The following NANOS3 variants were observed in gnomAD, a reference collection of about 807,000 sequenced individuals.
NANOS3 encodes the protein nanos homolog 3.
A neutral mutation model predicts 13.8 loss-of-function variants in NANOS3; 11 were observed. The observed-to-expected ratio is 0.80, with a 90% CI of 0.50 to 1.32. NANOS3 has a LOEUF of 1.32. Among genes scored for constraint, NANOS3 ranks in the 40% most tolerant of loss-of-function variants. The pLI is 0.00. For missense variants in NANOS3, 221 were observed against 263.8 expected (o/e 0.84, Z 1.12); for synonymous variants, 119 against 115.4 (o/e 1.03, Z -0.20).
At chr19:13,875,301 C>T (rs1968488315), upstream of NANOS3, among the ~76,000 whole-genome samples, 1 of 151,840 alleles carries the variant, frequency 6.6e-6, no homozygotes, top group South Asian at 2.1e-4. Flanking sequence ...ATTCTCTGGC[C>T]TCAGCCTCCC....
upstream of NANOS3, among the ~76,000 whole-genome samples, chr19:13,862,469 G>A: frequency 6.6e-6 from 1 of 152,166 alleles, no homozygotes; most frequent in Non-Finnish European, 1.5e-5. Context: ...CAGGACAGCT[G>A]GCCGGTCCTG....
chr19:13,874,841 G>A, upstream of NANOS3: 2 of 526,508 alleles, frequency 3.8e-6, no homozygotes, highest in Non-Finnish European at 7.9e-6. Context: ...CAGATCTAGG[G>A]GGGCCTGGGG....
At chr19:13,872,606 C>T (rs1882283546), upstream of NANOS3, among the ~76,000 whole-genome samples, 1 of 152,198 alleles carries the variant, frequency 6.6e-6, no homozygotes, top group African/African-American at 2.4e-5. Flanking sequence ...CACCTGTGCT[C>T]CCAACTCACT....
At chr19:13,875,571 T>C (rs1968492898), upstream of NANOS3, among the ~76,000 whole-genome samples, 1 of 151,782 alleles carries the variant, frequency 6.6e-6, no homozygotes, top group African/African-American at 2.4e-5. Flanking sequence ...AGACAGGATC[T>C]CGCTCTTGTC....
intron 1 of NANOS3, 146 bp from the exon 2 acceptor site, chr19:13,880,294 CCA>C: frequency 1.5e-6 from 1 of 681,784 alleles, no homozygotes; most frequent in Admixed American, 2.6e-5. Flanking sequence ...CCCGGCGGAG[CCA>C]GAGACGTCAC....
chr19:13,874,812 G>GC (rs1337557360), upstream of NANOS3: 1 of 532,620 alleles, frequency 1.9e-6, no homozygotes, highest in Non-Finnish European at 3.9e-6. Context: ...CCATCCTCCT[G>GC]CCGGTGACTC....
At chr19:13,872,540 A>G (rs1416885347), upstream of NANOS3, among the ~76,000 whole-genome samples, 1 of 152,162 alleles carries the variant, frequency 6.6e-6, no homozygotes, top group Non-Finnish European at 1.5e-5. Flanking sequence ...CAAAATGGGT[A>G]TATCCTGCTC....
At chr19:13,871,269 G>T (rs1976323538) in intron 1 of NANOS3, among the ~76,000 whole-genome samples, 1 of 152,150 alleles carries the variant, frequency 6.6e-6, no homozygotes, top group Non-Finnish European at 1.5e-5. Flanking sequence ...ACAGTTTGAG[G>T]CAGGTGCACG....
upstream of NANOS3, among the ~76,000 whole-genome samples, chr19:13,864,038 G>T (rs551895296): frequency 1.3e-5 from 2 of 152,252 alleles, no homozygotes; most frequent in Admixed American, 1.3e-4. Flanking sequence ...AACAGAATGA[G>T]AAATCTGTCA....
chr19:13,878,689 A>T (rs1041399748), intron 1 of NANOS3, among the ~76,000 whole-genome samples: 4 of 145,674 alleles, frequency 2.7e-5, no homozygotes, highest in African/African-American at 5.2e-5. Flanking sequence ...ATCTTGGCTC[A>T]CTGCAACCTC....
upstream of NANOS3, among the ~76,000 whole-genome samples, chr19:13,874,318 C>G (rs1345793337): frequency 6.6e-6 from 1 of 152,228 alleles, no homozygotes; most frequent in East Asian, 1.9e-4. Flanking sequence ...CCCTCGGGGC[C>G]AGGATCCTCC....
At position 13,880,670 on chromosome 19, in the gene NANOS3, G is replaced by A. The variant is rs1338478637; in HGVS notation, c.*167G>A. Reference sequence around the variant, plus strand: ...AGAGCTGAAATCGCCCTGTCCTTGGGGACCCCACCCTTTGTGCCATCTGCC... The same window carrying A: ...AGAGCTGAAATCGCCCTGTCCTTGGAGACCCCACCCTTTGTGCCATCTGCC... On this transcript the variant is annotated 3_prime_UTR_variant, in exon 2 of 2. Coordinates refer to ENST00000339133, the MANE Select transcript of NANOS3 (RefSeq NM_001098622.3). 3 of 621,776 alleles carry A rather than the reference G, an allele frequency of 4.8e-6. No individual in the cohort carries two copies. In the African/African-American group the frequency reaches 5.5e-5, roughly 11 times the overall value. 38.5% of individuals were successfully genotyped at this position (621,776 alleles called of 1,614,324 possible).
At chr19:13,863,617 G>A (rs984373297), upstream of NANOS3, among the ~76,000 whole-genome samples, 1 of 152,078 alleles carries the variant, frequency 6.6e-6, no homozygotes, top group Non-Finnish European at 1.5e-5. Context: ...ACCCCATGGA[G>A]GTATGATTAC....
chr19:13,865,411 G>T (rs1294553975), upstream of NANOS3: 5 of 147,336 alleles, frequency 3.4e-5, no homozygotes, highest in African/African-American at 1.2e-4. Context: ...AAGAAGAGGG[G>T]GAAATGCGGC....
chr19:13,872,408 C>G (rs1770235767), upstream of NANOS3, among the ~76,000 whole-genome samples: 1 of 151,414 alleles, frequency 6.6e-6, no homozygotes, highest in South Asian at 2.1e-4. Context: ...CCAGGCTAGT[C>G]TCAACTTCTG....
At position 13,877,236 on chromosome 19, in the gene NANOS3, A is replaced by G. The variant is rs1472377856; in HGVS notation, c.-13A>G. On this transcript the variant is annotated 5_prime_UTR_variant, in exon 1 of 2. The change abolishes an upstream ATG in the 5' untranslated region. Coordinates refer to ENST00000339133, the MANE Select transcript of NANOS3 (RefSeq NM_001098622.3). The stretch of plus-strand genomic sequence containing the variant: ...CTCTGTGACTCCTTCCGCCTGGCAC[A>G]TGCTGCCCAGCTATGGGGACCTTTG... 1.3e-6 allele frequency: 2 copies of G among 1,596,320 alleles called. No individual in the cohort carries two copies. Among genetic ancestry groups the G allele is most frequent in the East Asian group, 2.2e-5 (1 of 44,504 alleles).
chr19:13,862,780 G>A (rs188728479), upstream of NANOS3, among the ~76,000 whole-genome samples: 2 of 152,152 alleles, frequency 1.3e-5, no homozygotes, highest in Non-Finnish European at 2.9e-5. Context: ...CTCGTGATCC[G>A]CCCGCCTCGG....
chr19:13,873,597 C>T (rs1968439682), upstream of NANOS3, among the ~76,000 whole-genome samples: 3 of 152,128 alleles, frequency 2.0e-5, no homozygotes, highest in African/African-American at 4.8e-5. Flanking sequence ...CCATCTCAGC[C>T]TCCTAAGTAG....
chr19:13,870,914 C>G (rs1028207981), intron 1 of NANOS3, among the ~76,000 whole-genome samples: 12 of 151,824 alleles, frequency 7.9e-5, no homozygotes, highest in African/African-American at 2.9e-4. Flanking sequence ...TCCCCCACAC[C>G]CCACTTATCC....
Sources: allele counts gnomAD v4.1 joint callset (sites outside exome capture counted in the v4.1 genomes callset), GRCh38; gene constraint gnomAD v4.1.1; transcripts MANE v1.5; gene names NCBI Gene and HGNC (gene_info 2026-07-23, HGNC 2026-07-21).